CHST9: variants seen among roughly 807,000 people sequenced by gnomAD.
The protein encoded by CHST9 is GalNAc-4-sulfotransferase 2.
In CHST9, 41 loss-of-function variants were observed where a neutral mutation model predicts 44.4. That is an observed-to-expected ratio of 0.92 (90% CI 0.72 to 1.20). The LOEUF (loss-of-function observed/expected upper bound fraction) is 1.20, where lower values mean the gene tolerates loss of function less well. Among genes scored for constraint, CHST9 ranks in the 50% most tolerant of loss-of-function variants. CHST9 has a pLI of 0.00. For missense variants in CHST9, 504 were observed against 516.5 expected, an observed-to-expected ratio of 0.98 and a Z score of 0.23; for synonymous variants, 171 against 178.4, an observed-to-expected ratio of 0.96 and a Z score of 0.33.
At chr18:27,127,138 G>A (rs2058431165) in intron 2 of CHST9, among the ~76,000 whole-genome samples, 1 of 152,062 alleles carries the variant, frequency 6.6e-6, no homozygotes. Context: ...AGATGCCCAG[G>A]GAACAAATGG....
chr18:27,052,286 A>ATATGTGTATATATATGTATATATG (rs2057577263), intron 2 of CHST9, among the ~76,000 whole-genome samples: 2 of 69,650 alleles, frequency 2.9e-5, no homozygotes, highest in African/African-American at 6.8e-5. Flanking sequence ...ATGTATATAT[A>ATATGTGTATATATATGTATATATG]TGTGTGTATA....
At chr18:27,077,394 T>C (rs2057915320) in intron 2 of CHST9, among the ~76,000 whole-genome samples, 1 of 152,230 alleles carries the variant, frequency 6.6e-6, no homozygotes, top group Admixed American at 6.5e-5. Context: ...TTTTCTTTTC[T>C]GTATTTTCAC....
rs2055487399 is a variant in CHST9 at position 26,914,658 on chromosome 18, AGAT to A, written c.*1598_*1600del. 3.0e-6 allele frequency: 1 copy of A among 336,366 alleles called. No individual in the cohort carries two copies. Among genetic ancestry groups the A allele is most frequent in the Admixed American group, 4.8e-5 (1 of 20,844 alleles). The allele number at this position is 336,366 out of a possible 1,614,324, so 20.8% of individuals were successfully genotyped here. On this transcript the variant is annotated 3_prime_UTR_variant, in exon 6 of 6. Coordinates refer to ENST00000618847, the MANE Select transcript of CHST9 (RefSeq NM_031422.6). ...AGTTTACTTACTCCTTAGGAGACAC[AGAT>A]GGGACACGGCAGGTGTGTGTAAGGA... is the stretch of plus-strand genomic sequence containing the variant.
intron 2 of CHST9, among the ~76,000 whole-genome samples, chr18:27,073,818 T>C (rs2057869787): frequency 6.6e-6 from 1 of 152,140 alleles, no homozygotes; most frequent in South Asian, 2.1e-4. Flanking sequence ...TGACTATTTA[T>C]ATATATATAC....
chr18:26,957,221 T>C (rs1317261674), intron 4 of CHST9, among the ~76,000 whole-genome samples: 1 of 152,082 alleles, frequency 6.6e-6, no homozygotes, highest in Non-Finnish European at 1.5e-5. Flanking sequence ...GGATGAGGGG[T>C]GCAGGAGCCC....
chr18:27,079,726 G>A (rs1383289258), intron 2 of CHST9, among the ~76,000 whole-genome samples: 4 of 152,306 alleles, frequency 2.6e-5, no homozygotes, highest in East Asian at 3.9e-4. Flanking sequence ...GGAGTCTACC[G>A]TGAGTGGGCA....
At chr18:27,004,535 A>T (rs1199840958) in intron 4 of CHST9, among the ~76,000 whole-genome samples, 1 of 152,056 alleles carries the variant, frequency 6.6e-6, no homozygotes, top group Non-Finnish European at 1.5e-5. Context: ...TATGTCGATA[A>T]ATGTATTTTT....
Position 26,970,569 on chromosome 18 carries a change from C to T in CHST9, c.203-26203G>A, listed in dbSNP as rs1461636076. Reference sequence around the variant, plus strand: ...TCAGCCTCCCAAGTAGCTGGGACTACAGTCACATGCCACCACACCTGGCTA... The same window carrying T: ...TCAGCCTCCCAAGTAGCTGGGACTATAGTCACATGCCACCACACCTGGCTA... On this transcript the variant is annotated intron_variant, in intron 4 of 5. Transcript: ENST00000618847. Among the ~76,000 whole-genome samples, 17 of 152,268 alleles carry T rather than the reference C, an allele frequency of 1.1e-4. No individual in the cohort carries two copies. In the East Asian group the frequency reaches 3.3e-3, roughly 29 times the overall value.
chr18:27,036,170 A>G (rs951965396), intron 3 of CHST9, among the ~76,000 whole-genome samples: 9 of 152,172 alleles, frequency 5.9e-5, no homozygotes, highest in African/African-American at 2.2e-4. Flanking sequence ...TGGATGATTC[A>G]GGTTGGTGAA....
At chr18:27,060,311 A>C (rs1197749383) in intron 2 of CHST9, among the ~76,000 whole-genome samples, 1 of 152,222 alleles carries the variant, frequency 6.6e-6, no homozygotes, top group African/African-American at 2.4e-5. Flanking sequence ...ACATGGAGGA[A>C]GAGACACTCC....
At chr18:27,183,361 T>C (rs1307211688) in intron 1 of CHST9, among the ~76,000 whole-genome samples, 1 of 151,832 alleles carries the variant, frequency 6.6e-6, no homozygotes, top group Non-Finnish European at 1.5e-5. Context: ...AATAAAACAT[T>C]GTGCTGTAAG....
At chr18:27,075,212 C>A (rs2057890726) in intron 2 of CHST9, among the ~76,000 whole-genome samples, 1 of 146,270 alleles carries the variant, frequency 6.8e-6, no homozygotes, top group Non-Finnish European at 1.5e-5. Flanking sequence ...TCATTAGTTG[C>A]AAGGAGCTCC....
intron 5 of CHST9, among the ~76,000 whole-genome samples, chr18:26,938,601 A>C (rs1488355492): frequency 2.0e-5 from 3 of 152,240 alleles, no homozygotes; most frequent in African/African-American, 7.2e-5. Context: ...TCTAAAGTTC[A>C]CACTACACTG....
At chr18:27,007,964 G>A (rs2057036520) in intron 4 of CHST9, among the ~76,000 whole-genome samples, 1 of 152,182 alleles carries the variant, frequency 6.6e-6, no homozygotes, top group Non-Finnish European at 1.5e-5. Flanking sequence ...AGAATACAGA[G>A]CATTGCAAAT....
intron 2 of CHST9, among the ~76,000 whole-genome samples, chr18:27,129,962 G>T (rs2058457786): frequency 6.6e-6 from 1 of 151,976 alleles, no homozygotes; most frequent in Non-Finnish European, 1.5e-5. Flanking sequence ...AAAGGATCTT[G>T]AGCCCTCTTG....
At chr18:27,052,276 A>G (rs1014060043) in intron 2 of CHST9, among the ~76,000 whole-genome samples, 5 of 149,090 alleles carry the variant, frequency 3.4e-5, no homozygotes, top group African/African-American at 5.1e-5. Context: ...GTGTATATAT[A>G]TGTATATATA....
chr18:27,026,156 T>C (rs1236131033), intron 3 of CHST9, among the ~76,000 whole-genome samples: 1 of 152,172 alleles, frequency 6.6e-6, no homozygotes, highest in Non-Finnish European at 1.5e-5. Flanking sequence ...TGTGCAAATC[T>C]GGCAATTTCT....
chr18:27,137,846 C>T (rs764858768), intron 2 of CHST9, among the ~76,000 whole-genome samples: 1 of 152,102 alleles, frequency 6.6e-6, no homozygotes, highest in Non-Finnish European at 1.5e-5. Context: ...TCTAACTAGA[C>T]AAATAGTGCC....
At chr18:27,181,941 G>A (rs1287593855) in intron 1 of CHST9, among the ~76,000 whole-genome samples, 1 of 152,148 alleles carries the variant, frequency 6.6e-6, no homozygotes, top group Non-Finnish European at 1.5e-5. Flanking sequence ...CCACAAATGG[G>A]TTTTCGTGTT....
Sources: allele counts gnomAD v4.1 joint callset (sites outside exome capture counted in the v4.1 genomes callset), GRCh38; gene constraint gnomAD v4.1.1; transcripts MANE v1.5; gene names NCBI Gene and HGNC (gene_info 2026-07-23, HGNC 2026-07-21).